The following GNG7 variants were observed in gnomAD, a reference collection of about 807,000 sequenced individuals.
The protein encoded by GNG7 is G protein subunit gamma 7.
Under a neutral mutation model 4.0 loss-of-function variants are expected in GNG7, and 1 was observed. The ratio of observed to expected loss-of-function variants is 0.25; its 90% CI spans 0.09 to 1.18. GNG7 has a LOEUF of 1.18. Ranked by LOEUF, GNG7 falls within the 50% of genes most tolerant of loss-of-function variation. The pLI, the probability that GNG7 is intolerant of heterozygous loss-of-function variation, is 0.50. For missense variants in GNG7, 86 were observed against 91.9 expected, an observed-to-expected ratio of 0.94 and a Z score of 0.26; for synonymous variants, 34 against 36.9, an observed-to-expected ratio of 0.92 and a Z score of 0.29.
chr19:2,594,650 T>C (rs117470124), intron 2 of GNG7, among the ~76,000 whole-genome samples: 2,216 of 152,198 alleles, frequency 0.015, 22 homozygotes, highest in Non-Finnish European at 0.023. Context: ...TCATATGACT[T>C]TGCCTGTAGA....
intron 2 of GNG7, among the ~76,000 whole-genome samples, chr19:2,624,133 T>C (rs1211466242): frequency 6.6e-6 from 1 of 152,048 alleles, no homozygotes; most frequent in Admixed American, 6.6e-5. Flanking sequence ...ACGGTGGTGA[T>C]GGGTGCAGCA....
intron 3 of GNG7, among the ~76,000 whole-genome samples, chr19:2,542,320 T>C (rs1200329541): frequency 6.6e-6 from 1 of 151,984 alleles, no homozygotes; most frequent in Non-Finnish European, 1.5e-5. Flanking sequence ...TTCACCATGT[T>C]GCCCAGGCTG....
At chr19:2,675,710 A>G (rs80355045) in intron 1 of GNG7, among the ~76,000 whole-genome samples, 10,129 of 152,182 alleles carry the variant, frequency 0.067, 434 homozygotes, top group Middle Eastern at 0.18. Flanking sequence ...GGGAGGTCTG[A>G]GGACATCTGT....
chr19:2,620,911 C>T (rs1405386789), intron 2 of GNG7, among the ~76,000 whole-genome samples: 1 of 152,150 alleles, frequency 6.6e-6, no homozygotes, highest in Non-Finnish European at 1.5e-5. Context: ...CTTGGGTTTC[C>T]CAGCCTGAGC....
chr19:2,574,237 G>A (rs1980239550), intron 2 of GNG7, among the ~76,000 whole-genome samples: 1 of 152,218 alleles, frequency 6.6e-6, no homozygotes, highest in Non-Finnish European at 1.5e-5. Context: ...TATGACGCTG[G>A]AGCCGGAAGA....
rs78336179 is a variant in GNG7, at chr19:2,655,004, T to C, written c.-134-8724A>G. Reference sequence around the variant, plus strand: ...GAGTTCAAGACCAGCCTGGACCACATAGCAAGACCCCATCTCTACAAAAAA... The same window carrying C: ...GAGTTCAAGACCAGCCTGGACCACACAGCAAGACCCCATCTCTACAAAAAA... On this transcript the variant is annotated intron_variant, in intron 1 of 4. Transcript: ENST00000382159. Among the ~76,000 whole-genome samples, 74 of 152,130 alleles carry C rather than the reference T, an allele frequency of 4.9e-4. No homozygotes were observed. The East Asian group carries it at 0.014, about 28-fold the overall frequency.
intron 3 of GNG7, among the ~76,000 whole-genome samples, chr19:2,551,771 C>T (rs1347876675): frequency 6.6e-6 from 1 of 151,984 alleles, no homozygotes; most frequent in Non-Finnish European, 1.5e-5. Flanking sequence ...GCAACCTCTG[C>T]CTCCCGGGCT....
At chr19:2,649,632 C>T (rs1982757926) in intron 1 of GNG7, among the ~76,000 whole-genome samples, 4 of 152,080 alleles carry the variant, frequency 2.6e-5, no homozygotes. Context: ...TCATGATCCA[C>T]CCGCCTCAGC....
At chr19:2,677,670 G>A (rs575803966) in intron 1 of GNG7, among the ~76,000 whole-genome samples, 3 of 152,156 alleles carry the variant, frequency 2.0e-5, no homozygotes, top group African/African-American at 7.2e-5. Flanking sequence ...AACCTCAGGA[G>A]GACAGAGGAT....
At chr19:2,592,827 AGAG>A (rs1568255419) in intron 2 of GNG7, among the ~76,000 whole-genome samples, 2 of 88,994 alleles carry the variant, frequency 2.2e-5, no homozygotes, top group Non-Finnish European at 5.3e-5. Flanking sequence ...AGAGAGAGAG[AGAG>A]GGAGGGAGGG....
chr19:2,552,453 C>T (rs976890301), intron 3 of GNG7, among the ~76,000 whole-genome samples: 2 of 152,052 alleles, frequency 1.3e-5, no homozygotes, highest in African/African-American at 2.4e-5. Context: ...GGTGCGATCT[C>T]GGCTCACTAC....
chr19:2,574,503 C>A (rs972889770), intron 2 of GNG7, among the ~76,000 whole-genome samples: 1 of 152,178 alleles, frequency 6.6e-6, no homozygotes, highest in Non-Finnish European at 1.5e-5. Flanking sequence ...GTGTCTGGAT[C>A]CTCTCACTGA....
chr19:2,669,121 G>A (rs955807790), intron 1 of GNG7, among the ~76,000 whole-genome samples: 3 of 152,296 alleles, frequency 2.0e-5, no homozygotes, highest in Middle Eastern at 3.4e-3. Flanking sequence ...GGGGGTGGTC[G>A]TGTGTGTTGA....
chr19:2,560,954 CAAA>C lies in GNG7; in HGVS notation c.-77-5769_-77-5767del, dbSNP rs33963257. Among the ~76,000 whole-genome samples the C allele has an allele frequency of 3.0e-3, 403 of 132,592 alleles. 1 individual carries two copies. The highest frequency in any genetic ancestry group is 4.5e-3 in the African/African-American group (159 of 35,122). 87.0% of individuals were successfully genotyped at this position (132,592 alleles called of 152,430 possible). A position where few individuals can be genotyped will look rare whatever the true frequency, so the allele number is the denominator to read the frequency against. On this transcript the variant is annotated intron_variant, in intron 2 of 4. Transcript: ENST00000382159. ...CCTGGGCGACAGAAGGAGACTGTTT[CAAA>C]AAAAAAAAAAAAAAAATTATTTGGG...
At chr19:2,632,403 T>A (rs1471913519) in intron 2 of GNG7, among the ~76,000 whole-genome samples, 2 of 142,788 alleles carry the variant, frequency 1.4e-5, no homozygotes, top group African/African-American at 2.6e-5. Flanking sequence ...CATTCTAGCC[T>A]GGGAGACAAG....
At position 2,681,252 on chromosome 19, in the gene GNG7, C is replaced by T. The variant is rs370775472; in HGVS notation, c.-135+21394G>A. Among the ~76,000 whole-genome samples the T allele has an allele frequency of 7.9e-5, 12 of 151,856 alleles. No individual in the cohort carries two copies. The East Asian group carries it at 1.4e-3, about 17-fold the overall frequency. On this transcript the variant is annotated intron_variant, in intron 1 of 4. Coordinates refer to ENST00000382159, the MANE Select transcript of GNG7 (RefSeq NM_052847.3). ...AGGCTGGAATGCAGTGGCACGATCT[C>T]GGCTCACTGCAACCTCCACCTCCCA...
rs1350476960 is a variant in GNG7 at position 2,511,759 on chromosome 19, C to A, written c.*3263G>T. 7 of 972,244 alleles carry A rather than the reference C, an allele frequency of 7.2e-6. No individual in the cohort carries two copies. The highest frequency in any genetic ancestry group is 8.6e-6 in the Non-Finnish European group (7 of 817,604). 60.2% of individuals were successfully genotyped at this position (972,244 alleles called of 1,614,324 possible). On this transcript the variant is annotated 3_prime_UTR_variant, in exon 5 of 5. Coordinates refer to ENST00000382159, the MANE Select transcript of GNG7 (RefSeq NM_052847.3). The surrounding 1 kb of genome is among the most constrained non-coding windows in gnomAD (Gnocchi z 6.3). ...ACGCAGAAGGAGGGAAACAGGAGCA[C>A]CTTCCGCCCTGGCCCAGCCGCCCCG...
chr19:2,648,246 A>G (rs963267571), intron 1 of GNG7, among the ~76,000 whole-genome samples: 1 of 151,472 alleles, frequency 6.6e-6, no homozygotes, highest in African/African-American at 2.4e-5. Context: ...CAATGTAAAA[A>G]TTAGCTGGGC....
intron 2 of GNG7, among the ~76,000 whole-genome samples, chr19:2,625,134 T>A (rs1981984770): frequency 6.6e-6 from 1 of 152,166 alleles, no homozygotes; most frequent in Non-Finnish European, 1.5e-5. Context: ...AGTGGTGCGA[T>A]CTCAGCTCAC....
Sources: gnomAD v4.1 joint callset for allele counts (sites outside exome capture counted in the v4.1 genomes callset) on GRCh38, gnomAD v4.1.1 for gene constraint, Gnocchi (gnomAD v3.1) non-coding constraint, MANE v1.5 for transcripts, NCBI Gene and HGNC (gene_info 2026-07-23, HGNC 2026-07-21) for gene names.